The following TRPA1 variants were observed in gnomAD, a reference collection of about 807,000 sequenced individuals.
TRPA1 encodes the protein transient receptor potential cation channel subfamily A member 1, also known as ankyrin-like with transmembrane domains 1.
In TRPA1, 129 loss-of-function variants were observed where a neutral mutation model predicts 131.3. The ratio of observed to expected loss-of-function variants is 0.98; its 90% confidence interval spans 0.85 to 1.14. The LOEUF (loss-of-function observed/expected upper bound fraction) is 1.14. Ranked by LOEUF, TRPA1 falls within the 50% of genes most tolerant of loss-of-function variation. The pLI, the probability that TRPA1 is intolerant of heterozygous loss-of-function variation, is 0.00. For synonymous variants in TRPA1, 441 were observed against 451.7 expected (o/e 0.98, Z 0.30); for missense variants, 1,304 against 1,354.2 (o/e 0.96, Z 0.58).
Position 72,022,950 on chromosome 8 carries a change from C to G in TRPA1, c.3316G>C (p.Val1106Leu). Residue 1106 changes from valine to leucine, a missense_variant, in exon 27 of 27, where the codon GTG becomes CTG. Transcript: ENST00000262209. ...MEQRNSRWNT[V>L]LRAVKAKTHH... ...GTTTTTGCCTTGACTGCTCTCAACACAGTATTCCATCTGCTATTCCTTTGT... is the reference window on the plus strand; with the variant it reads ...GTTTTTGCCTTGACTGCTCTCAACAGAGTATTCCATCTGCTATTCCTTTGT... 9 of 1,613,872 alleles carry G rather than the reference C, an allele frequency of 5.6e-6. No homozygotes were observed. The highest frequency in any genetic ancestry group is 7.6e-6 in the Non-Finnish European group (9 of 1,179,840).
chr8:72,029,572 GGTTGGTTTGAC>G (rs1184168619), intron 24 of TRPA1, among the ~76,000 whole-genome samples: 1 of 152,176 alleles, frequency 6.6e-6, no homozygotes, highest in Non-Finnish European at 1.5e-5. Context: ...ACCTAACTTA[GGTTGGTTTGAC>G]TCATGATTTT....
intron 17 of TRPA1, among the ~76,000 whole-genome samples, chr8:72,040,162 T>G (rs1170784679): frequency 6.6e-6 from 1 of 152,148 alleles, no homozygotes; most frequent in East Asian, 1.9e-4. Context: ...CAGAAGGATT[T>G]TATGCAGTAG....
intron 1 of TRPA1, among the ~76,000 whole-genome samples, chr8:72,072,942 A>G (rs999671818): frequency 6.6e-6 from 1 of 152,200 alleles, no homozygotes; most frequent in Non-Finnish European, 1.5e-5. Flanking sequence ...AGATCATCTC[A>G]ATCAGTACCT....
At chr8:72,047,390 A>T (rs1461412483) in intron 15 of TRPA1, among the ~76,000 whole-genome samples, 183 bp from the exon 16 acceptor site, 1 of 152,138 alleles carries the variant, frequency 6.6e-6, no homozygotes, top group African/African-American at 2.4e-5. Flanking sequence ...AATGTTACAA[A>T]TACCTCTGCA....
chr8:72,084,013 C>T, the TRPA1 span, among the ~76,000 whole-genome samples: 38 of 152,240 alleles, frequency 2.5e-4, no homozygotes, highest in South Asian at 7.5e-3. Context: ...ATCATAGTCA[C>T]AGAGATGAAA....
chr8:72,024,959 G>T (rs1811534868), intron 25 of TRPA1, among the ~76,000 whole-genome samples: 1 of 152,172 alleles, frequency 6.6e-6, no homozygotes, highest in African/African-American at 2.4e-5. Context: ...TCGTAGAGAT[G>T]AAGGGAGCCC....
chr8:72,070,546 C>T (rs1389088295), intron 2 of TRPA1, among the ~76,000 whole-genome samples: 1 of 152,190 alleles, frequency 6.6e-6, no homozygotes, highest in African/African-American at 2.4e-5. Context: ...CTGGACCCTT[C>T]TAATGTAGGG....
chr8:72,027,662 T>C (rs1166784236), intron 24 of TRPA1, among the ~76,000 whole-genome samples: 1 of 152,176 alleles, frequency 6.6e-6, no homozygotes, highest in Admixed American at 6.5e-5. Flanking sequence ...GATGATTCTA[T>C]GAGAGAACTA....
chr8:72,032,551 G>C (rs952126522), intron 23 of TRPA1, among the ~76,000 whole-genome samples: 11 of 152,222 alleles, frequency 7.2e-5, no homozygotes, highest in African/African-American at 2.4e-4. Context: ...TGTTGGTTTT[G>C]ATTTTCCTCC....
chr8:72,026,171 G>T, intron 24 of TRPA1, 98 bp from the exon 25 acceptor site: 1 of 942,476 alleles, frequency 1.1e-6, no homozygotes, highest in South Asian at 1.4e-5. Context: ...AATGAAAACT[G>T]ATTTCTATGT....
At chr8:72,047,399 C>T (rs1172189731) in intron 15 of TRPA1, among the ~76,000 whole-genome samples, 192 bp from the exon 16 acceptor site, 1 of 152,090 alleles carries the variant, frequency 6.6e-6, no homozygotes, top group Non-Finnish European at 1.5e-5. Context: ...AATACCTCTG[C>T]ATGCCTCAGA....
Position 72,055,416 on chromosome 8 carries a change from C to T in TRPA1, c.1529+20G>A. 2.5e-6 allele frequency: 4 copies of T among 1,608,534 alleles called. No homozygotes were observed. The highest frequency in any genetic ancestry group is 3.4e-6 in the Non-Finnish European group (4 of 1,175,354). ...GCTAATTAAAGAAATTATATAAACA[C>T]TCCAATCATATATCCTCACCTGAGA... On this transcript the variant is annotated intron_variant, in intron 12 of 26. Coordinates refer to ENST00000262209, the MANE Select transcript of TRPA1 (RefSeq NM_007332.3).
At position 72,065,462 on chromosome 8, in the gene TRPA1, A is replaced by G. The variant is rs1805908323; in HGVS notation, c.541T>C (p.Leu181=). ...IACTTNNSEA[L]QILLKKGAKP... ...ACAAATATACAAACCAAAATCTGCA[A>G]TGCTTCGCTATTATTTGTGGTGCAC... Residue 181 remains leucine, a synonymous_variant, in exon 4 of 27, where the codon TTG becomes CTG. Transcript: ENST00000262209. 6 of 1,613,232 alleles carry G rather than the reference A, an allele frequency of 3.7e-6. No individual in the cohort carries two copies. Among genetic ancestry groups the G allele is most frequent in the Non-Finnish European group, 5.1e-6 (6 of 1,179,438 alleles).
At chr8:72,079,011 C>T (rs1806240177), upstream of TRPA1, among the ~76,000 whole-genome samples, 1 of 151,818 alleles carries the variant, frequency 6.6e-6, no homozygotes. Flanking sequence ...TGATATTGTC[C>T]ATATTAGCAT....
At chr8:72,075,198 C>T (rs1026319535) in intron 1 of TRPA1, 101 bp downstream of exon 1, 8 of 909,496 alleles carry the variant, frequency 8.8e-6, no homozygotes, top group Admixed American at 1.7e-5. Flanking sequence ...AGCTTGCAAC[C>T]CCCACGCTTT....
chr8:72,044,417 A>T (rs2129434434), intron 17 of TRPA1, among the ~76,000 whole-genome samples: 1 of 152,166 alleles, frequency 6.6e-6, no homozygotes, highest in South Asian at 2.1e-4. Context: ...CTTGTTTTCA[A>T]TGTGCTTTCA....
intron 9 of TRPA1, 72 bp downstream of exon 9, chr8:72,057,645 G>T: frequency 8.9e-7 from 1 of 1,121,788 alleles, no homozygotes; most frequent in Non-Finnish European, 1.4e-6. Flanking sequence ...ATGTTCATTT[G>T]GCACACAGTG....
intron 24 of TRPA1, among the ~76,000 whole-genome samples, chr8:72,027,513 A>G (rs1057120736): frequency 6.6e-6 from 1 of 152,208 alleles, no homozygotes; most frequent in African/African-American, 2.4e-5. Context: ...AAGTGGAGAT[A>G]CCAACATTTA....
At chr8:72,025,105 CGTGTGTGTGTGT>C (rs71265963) in intron 25 of TRPA1, among the ~76,000 whole-genome samples, 11 of 120,222 alleles carry the variant, frequency 9.1e-5, no homozygotes, top group Non-Finnish European at 1.6e-4. Flanking sequence ...TGTGTGTGTT[CGTGTGTGTGTGT>C]GTGTGTGTGT....
Sources: allele counts gnomAD v4.1 joint callset (sites outside exome capture counted in the v4.1 genomes callset), GRCh38; gene constraint gnomAD v4.1.1; transcripts MANE v1.5; gene names NCBI Gene and HGNC (gene_info 2026-07-23, HGNC 2026-07-21).